Variants in SNTG1 observed in about 807,000 individuals in gnomAD.
SNTG1 encodes the protein gamma-1-syntrophin.
Under a neutral mutation model 74.7 loss-of-function variants are expected in SNTG1, and 39 were observed. That is an observed-to-expected ratio of 0.52 (90% CI 0.40 to 0.68). The LOEUF (loss-of-function observed/expected upper bound fraction) is 0.68, where lower values mean the gene tolerates loss of function less well. Among genes scored for constraint, SNTG1 ranks in the 30% least tolerant of loss-of-function variants. The pLI is 0.00. For missense variants in SNTG1, 685 were observed against 609.5 expected, an observed-to-expected ratio of 1.12 and a Z score of -1.30; for synonymous variants, 254 against 217.1, an observed-to-expected ratio of 1.17 and a Z score of -1.49.
intron 2 of SNTG1, among the ~76,000 whole-genome samples, chr8:50,237,784 C>T (rs1445619414): frequency 6.6e-6 from 1 of 151,938 alleles, no homozygotes; most frequent in Non-Finnish European, 1.5e-5. Context: ...ATAATATATC[C>T]TAATAGTGTA....
intron 17 of SNTG1, among the ~76,000 whole-genome samples, chr8:50,711,428 G>C (rs1049689087): frequency 1.3e-5 from 2 of 152,028 alleles, no homozygotes; most frequent in African/African-American, 4.8e-5. Flanking sequence ...GCAAACCAAA[G>C]GTCTTGAAAT....
At chr8:50,725,113 G>A (rs2095496887) in intron 17 of SNTG1, among the ~76,000 whole-genome samples, 1 of 152,084 alleles carries the variant, frequency 6.6e-6, no homozygotes, top group African/African-American at 2.4e-5. Flanking sequence ...AAAATAAAAA[G>A]TTATGCATAA....
chr8:49,966,541 C>T (rs1811159255), intron 1 of SNTG1, among the ~76,000 whole-genome samples: 1 of 151,860 alleles, frequency 6.6e-6, no homozygotes, highest in Non-Finnish European at 1.5e-5. Context: ...ACTACAGGCA[C>T]CCGCTACCAC....
intron 8 of SNTG1, among the ~76,000 whole-genome samples, chr8:50,484,478 G>A (rs981369433): frequency 4.0e-5 from 6 of 150,914 alleles, no homozygotes; most frequent in South Asian, 4.3e-4. Context: ...GCCTCCCAAA[G>A]CGCTGTGATT....
At chr8:50,622,822 T>A (rs535025257) in intron 13 of SNTG1, among the ~76,000 whole-genome samples, 6 of 151,474 alleles carry the variant, frequency 4.0e-5, no homozygotes, top group Admixed American at 3.9e-4. Flanking sequence ...AAAATAGAAA[T>A]CTTTAAATAG....
At chr8:50,554,488 T>C (rs535090319) in intron 12 of SNTG1, among the ~76,000 whole-genome samples, 1 of 152,048 alleles carries the variant, frequency 6.6e-6, no homozygotes, top group Admixed American at 6.6e-5. Context: ...TTTTTTTTTT[T>C]TTTCTGGTGG....
At chr8:49,931,161 T>C (rs1263817188) in intron 1 of SNTG1, among the ~76,000 whole-genome samples, 1 of 152,210 alleles carries the variant, frequency 6.6e-6, no homozygotes, top group Admixed American at 6.5e-5. Flanking sequence ...ACAAAATTAC[T>C]AAATGTAACA....
At chr8:50,057,647 A>T (rs1017838082) in intron 1 of SNTG1, among the ~76,000 whole-genome samples, 9 of 152,080 alleles carry the variant, frequency 5.9e-5, no homozygotes, top group Non-Finnish European at 8.8e-5. Flanking sequence ...GATATATAGT[A>T]AGGCCTATAG....
chr8:50,279,306 G>T (rs994551079), intron 2 of SNTG1, among the ~76,000 whole-genome samples: 2 of 152,058 alleles, frequency 1.3e-5, no homozygotes, highest in Non-Finnish European at 2.9e-5. Flanking sequence ...TTTTAAAGAT[G>T]TTTTTGATTT....
intron 1 of SNTG1, among the ~76,000 whole-genome samples, chr8:49,984,317 T>C (rs1158487572): frequency 2.0e-5 from 3 of 152,110 alleles, no homozygotes; most frequent in African/African-American, 7.2e-5. Flanking sequence ...GCGATTCTCC[T>C]GCCTCAGTCT....
chr8:50,017,588 G>A (rs552676279), intron 1 of SNTG1, among the ~76,000 whole-genome samples: 11 of 151,938 alleles, frequency 7.2e-5, no homozygotes, highest in African/African-American at 2.7e-4. Context: ...AGATATACAA[G>A]GCAAGATTGA....
chr8:50,570,489 C>T (rs908631579), intron 12 of SNTG1, among the ~76,000 whole-genome samples: 3 of 149,196 alleles, frequency 2.0e-5, no homozygotes, highest in South Asian at 2.1e-4. Context: ...GAACTCCTAA[C>T]CTCAGGTGAT....
At chr8:50,423,558 C>G (rs2093123386) in intron 4 of SNTG1, among the ~76,000 whole-genome samples, 1 of 151,966 alleles carries the variant, frequency 6.6e-6, no homozygotes, top group Non-Finnish European at 1.5e-5. Flanking sequence ...AAAGGATGAC[C>G]AAAACTATTC....
At chr8:50,568,923 G>C (rs1225368982) in intron 12 of SNTG1, 1 of 152,208 alleles carries the variant, frequency 6.6e-6, no homozygotes, top group African/African-American at 2.4e-5. Context: ...CCTGGTCATG[G>C]AGGGCGACAA....
intron 1 of SNTG1, among the ~76,000 whole-genome samples, chr8:50,139,715 A>G (rs1413605253): frequency 1.3e-5 from 2 of 152,222 alleles, no homozygotes; most frequent in Admixed American, 6.5e-5. Flanking sequence ...AATTATCTTA[A>G]TGCACTCCAC....
chr8:50,357,819 A>C (rs1221698753), intron 2 of SNTG1, among the ~76,000 whole-genome samples: 1 of 152,190 alleles, frequency 6.6e-6, no homozygotes, highest in Non-Finnish European at 1.5e-5. Flanking sequence ...CTTCATAAGA[A>C]AAAAATACTC....
rs35419988 is a variant in SNTG1 at position 50,536,740 on chromosome 8, C to G, written c.612C>G (p.Cys204Trp). ...SPGLRWEKRW[C>W]DLRLIPLLHS... ...GCTTGAGGTGGGAGAAGCGATGGTGCGACCTCAGACTGATCCCTCTACTTC... is the reference window on the plus strand; with the variant it reads ...GCTTGAGGTGGGAGAAGCGATGGTGGGACCTCAGACTGATCCCTCTACTTC... The change falls in exon 11 of 19, where the codon TGC (cysteine) becomes TGG (tryptophan). Residue 204 changes from cysteine (C) to tryptophan (W), a missense_variant. Transcript: ENST00000642720. 12 of 1,613,988 alleles carry G rather than the reference C, an allele frequency of 7.4e-6. No homozygotes were observed. Among genetic ancestry groups the G allele is most frequent in the Non-Finnish European group, 9.3e-6 (11 of 1,179,874 alleles).
intron 2 of SNTG1, among the ~76,000 whole-genome samples, chr8:50,223,533 G>T (rs189617643): frequency 6.6e-6 from 1 of 152,092 alleles, no homozygotes; most frequent in Admixed American, 6.5e-5. Context: ...CAAAAGGAAG[G>T]TATTTTCAAC....
At chr8:50,006,895 G>A (rs1815294108) in intron 1 of SNTG1, among the ~76,000 whole-genome samples, 1 of 152,168 alleles carries the variant, frequency 6.6e-6, no homozygotes, top group Admixed American at 6.5e-5. Context: ...TGGGCTCAAG[G>A]TCACCTTTGC....
Sources: gnomAD v4.1 joint callset for allele counts (sites outside exome capture counted in the v4.1 genomes callset) on GRCh38, gnomAD v4.1.1 for gene constraint, MANE v1.5 for transcripts, NCBI Gene and HGNC (gene_info 2026-07-23, HGNC 2026-07-21) for gene names.